The following ZNF91 variants were observed in gnomAD, a reference collection of about 807,000 sequenced individuals.
ZNF91 encodes zinc finger protein 91.
Under a neutral mutation model 12.6 loss-of-function variants are expected in ZNF91, and 7 were observed. The ratio of observed to expected loss-of-function variants is 0.55; its 90% CI spans 0.31 to 1.04. The LOEUF is 1.04. Among genes scored for constraint, ZNF91 ranks in the 50% least tolerant of loss-of-function variants. The pLI is 0.05. For missense variants in ZNF91, 1,217 were observed against 1,385.4 expected, an observed-to-expected ratio of 0.88 and a Z score of 1.93; for synonymous variants, 453 against 462.6, an observed-to-expected ratio of 0.98 and a Z score of 0.27.
At chr19:23,387,273 A>G (rs1284787245) in intron 1 of ZNF91, among the ~76,000 whole-genome samples, 1 of 152,258 alleles carries the variant, frequency 6.6e-6, no homozygotes, top group Non-Finnish European at 1.5e-5. Context: ...CCATTTCACC[A>G]AGCAACCTCA....
At chr19:23,352,900 A>G (rs1328877848), downstream of ZNF91, among the ~76,000 whole-genome samples, 1 of 152,204 alleles carries the variant, frequency 6.6e-6, no homozygotes, top group Non-Finnish European at 1.5e-5. Flanking sequence ...GGTCCAACAG[A>G]AAAACATCAC....
downstream of ZNF91, among the ~76,000 whole-genome samples, chr19:23,336,908 T>C (rs541156667): frequency 5.1e-4 from 78 of 152,318 alleles, no homozygotes; most frequent in African/African-American, 1.7e-3. Context: ...TCAATAATAG[T>C]TAATGTCATG....
upstream of ZNF91, among the ~76,000 whole-genome samples, chr19:23,310,838 T>C (rs1288317661): frequency 6.6e-6 from 1 of 152,216 alleles, no homozygotes; most frequent in Non-Finnish European, 1.5e-5. Flanking sequence ...GACATATCGC[T>C]GGACTCAACA....
At chr19:23,379,016 C>T (rs1035708490) in intron 1 of ZNF91, among the ~76,000 whole-genome samples, 2 of 152,178 alleles carry the variant, frequency 1.3e-5, no homozygotes, top group Admixed American at 6.5e-5. Flanking sequence ...TGACTCATTT[C>T]TTTTACACTA....
chr19:23,381,495 C>G (rs1440840476), intron 1 of ZNF91, among the ~76,000 whole-genome samples: 1 of 138,280 alleles, frequency 7.2e-6, no homozygotes, highest in Non-Finnish European at 1.5e-5. Flanking sequence ...GAGTTTTGCT[C>G]TCATTGCCCA....
At chr19:23,374,565 A>C (rs2145098895) in intron 2 of ZNF91, 73 bp downstream of exon 2, 1 of 1,327,740 alleles carries the variant, frequency 7.5e-7, no homozygotes, top group Non-Finnish European at 9.9e-7. Flanking sequence ...GTCTCAAAAA[A>C]AAAAAAAAAA....
At chr19:23,307,372 A>T (rs1418989572) in exon 3 of ZNF91, 1 of 152,126 alleles carries the variant, frequency 6.6e-6, no homozygotes, top group Non-Finnish European at 1.5e-5. Flanking sequence ...AGCTTAGGTG[A>T]TATGACCCTT....
At chr19:23,327,996 A>G (rs1967866795) in intron 1 of ZNF91, 1 of 152,154 alleles carries the variant, frequency 6.6e-6, no homozygotes, top group African/African-American at 2.4e-5. Context: ...ATTTTTTTCT[A>G]TCGGACTTAG....
chr19:23,377,545 G>A (rs774167201), intron 1 of ZNF91, among the ~76,000 whole-genome samples: 6 of 152,076 alleles, frequency 3.9e-5, no homozygotes, highest in Non-Finnish European at 7.3e-5. Flanking sequence ...TCCCCTGTCA[G>A]TGCTGATGTC....
intron 1 of ZNF91, among the ~76,000 whole-genome samples, chr19:23,391,818 T>C (rs1462119227): frequency 6.6e-6 from 1 of 152,022 alleles, no homozygotes; most frequent in African/African-American, 2.4e-5. Context: ...AGGAACTAAG[T>C]GGGTCTTTAA....
chr19:23,332,600 A>G (rs750139069), intron 1 of ZNF91, among the ~76,000 whole-genome samples: 2 of 152,198 alleles, frequency 1.3e-5, no homozygotes, highest in African/African-American at 2.4e-5. Context: ...TGTTAGGCAC[A>G]TCAAGCGAAA....
intron 3 of ZNF91, among the ~76,000 whole-genome samples, chr19:23,344,189 G>A (rs1968175179): frequency 6.6e-6 from 1 of 152,018 alleles, no homozygotes; most frequent in African/African-American, 2.4e-5. Context: ...CCACCTCTCG[G>A]GTTCACGCCA....
At chr19:23,313,618 G>T (rs1967506283), upstream of ZNF91, among the ~76,000 whole-genome samples, 1 of 152,112 alleles carries the variant, frequency 6.6e-6, no homozygotes, top group African/African-American at 2.4e-5. Context: ...TTTATCTCTG[G>T]CCCAGGTGAG....
chr19:23,374,871 A>T, intron 1 of ZNF91, 107 bp from the exon 2 acceptor site: 1 of 1,515,978 alleles, frequency 6.6e-7, no homozygotes. Context: ...TCTGACTTAT[A>T]AGAGTGGCTG....
At chr19:23,336,630 C>T (rs762638169), downstream of ZNF91, among the ~76,000 whole-genome samples, 14 of 152,160 alleles carry the variant, frequency 9.2e-5, no homozygotes, top group East Asian at 1.3e-3. Context: ...GCTTCCAGCT[C>T]GCTTATCTAT....
downstream of ZNF91, among the ~76,000 whole-genome samples, chr19:23,357,496 T>C (rs1483681845): frequency 2.6e-5 from 4 of 152,356 alleles, no homozygotes; most frequent in South Asian, 2.1e-4. Flanking sequence ...ATATTGCTTT[T>C]TTCTGCTAAA....
In ZNF91 at chr19:23,361,792, T is replaced by C; in HGVS notation, c.1187A>G (p.His396Arg). 1 of 1,609,942 alleles carries C rather than the reference T, an allele frequency of 6.2e-7. No individual in the cohort carries two copies. Among genetic ancestry groups the C allele is most frequent in the Non-Finnish European group, 8.5e-7 (1 of 1,177,070 alleles). The change falls in exon 4 of 4, where the codon CAT becomes CGT. Residue 396 changes from histidine to arginine, a missense_variant. By Grantham distance (29) the His-to-Arg change is conservative (BLOSUM62 0). Transcript: ENST00000300619. Reference sequence around the variant, plus strand: ...TTTCTCTCCAGCATGTATTATTTTATGTTTAGTAAGGGTTGAGAGTCGCTT... The same window carrying C: ...TTTCTCTCCAGCATGTATTATTTTACGTTTAGTAAGGGTTGAGAGTCGCTT... ...AFKRLSTLTK[H>R]KIIHAGEKLY...
At chr19:23,384,514 A>C in intron 1 of ZNF91, 1 of 1,053,002 alleles carries the variant, frequency 9.5e-7, no homozygotes, top group Non-Finnish European at 1.2e-6. Flanking sequence ...CAAAACAGAC[A>C]TTCTCAAATT....
chr19:23,333,457 G>A (rs189903155), intron 1 of ZNF91, among the ~76,000 whole-genome samples: 1 of 152,262 alleles, frequency 6.6e-6, no homozygotes, highest in Non-Finnish European at 1.5e-5. Context: ...CCTCTGGGAG[G>A]TATTATTTCT....
Sources: gnomAD v4.1 joint callset for allele counts (sites outside exome capture counted in the v4.1 genomes callset) on GRCh38, gnomAD v4.1.1 for gene constraint, MANE v1.5 for transcripts, NCBI Gene and HGNC (gene_info 2026-07-23, HGNC 2026-07-21) for gene names.